Variants in ITGB3BP observed in about 807,000 individuals in gnomAD.
ITGB3BP encodes the protein centromere protein R.
Under a neutral mutation model 29.1 loss-of-function variants are expected in ITGB3BP, and 27 were observed. That is an observed-to-expected ratio of 0.93 (90% CI 0.68 to 1.28). The LOEUF (loss-of-function observed/expected upper bound fraction) is 1.28. Among genes scored for constraint, ITGB3BP ranks in the 50% most tolerant of loss-of-function variants. The pLI, the probability that ITGB3BP is intolerant of heterozygous loss-of-function variation, is 0.00. For synonymous variants in ITGB3BP, 61 were observed against 61.4 expected (o/e 0.99, Z 0.03); for missense variants, 192 against 200.2 (o/e 0.96, Z 0.25).
At chr1:63,502,838 T>G (rs1344622986) in intron 2 of ITGB3BP, among the ~76,000 whole-genome samples, 1 of 152,156 alleles carries the variant, frequency 6.6e-6, no homozygotes, top group Non-Finnish European at 1.5e-5. Flanking sequence ...ACAAAGGACA[T>G]GAACTCATCA....
intron 4 of ITGB3BP, among the ~76,000 whole-genome samples, chr1:63,471,875 C>T (rs1447921516): frequency 1.3e-5 from 2 of 151,714 alleles, no homozygotes; most frequent in Non-Finnish European, 2.9e-5. Flanking sequence ...AGCTCCGCCT[C>T]CTGGGTTCAA....
intron 1 of ITGB3BP, among the ~76,000 whole-genome samples, chr1:63,516,712 GAA>G (rs60397963): frequency 1.2e-4 from 14 of 115,874 alleles, no homozygotes; most frequent in South Asian, 2.8e-4. Context: ...CTTGTTTCAT[GAA>G]AAAAAAAAAA....
intron 4 of ITGB3BP, among the ~76,000 whole-genome samples, chr1:63,476,170 C>CT (rs112845325): frequency 0.019 from 2,717 of 145,446 alleles, 69 homozygotes; most frequent in African/African-American, 0.064. Context: ...GATAGAAATA[C>CT]TTTTTTTTTT....
intron 4 of ITGB3BP, among the ~76,000 whole-genome samples, chr1:63,474,915 TAA>T (rs1477732573): frequency 6.1e-5 from 1 of 16,320 alleles, no homozygotes; most frequent in Non-Finnish European, 1.8e-3. Flanking sequence ...ATAAATAAAA[TAA>T]AAACAAAACA....
At chr1:63,517,684 G>C (rs1227189706) in intron 1 of ITGB3BP, among the ~76,000 whole-genome samples, 1 of 152,050 alleles carries the variant, frequency 6.6e-6, no homozygotes, top group Admixed American at 6.6e-5. Flanking sequence ...CTTCATACAT[G>C]ATGTCATTGT....
chr1:63,473,247 C>T (rs1402083014), intron 4 of ITGB3BP, among the ~76,000 whole-genome samples: 115 of 151,726 alleles, frequency 7.6e-4, no homozygotes, highest in Admixed American at 3.9e-3. Flanking sequence ...GGCAACCGCC[C>T]CGTCTGAGAA....
At chr1:63,507,413 A>G (rs1490616478) in intron 2 of ITGB3BP, among the ~76,000 whole-genome samples, 1 of 152,224 alleles carries the variant, frequency 6.6e-6, no homozygotes, top group Non-Finnish European at 1.5e-5. Flanking sequence ...CTTCATGAAG[A>G]GAACGGGTTC....
chr1:63,492,343 A>G (rs1645671040), intron 2 of ITGB3BP, among the ~76,000 whole-genome samples: 1 of 152,088 alleles, frequency 6.6e-6, no homozygotes, highest in African/African-American at 2.4e-5. Context: ...AAAATTGAAA[A>G]GCTACCCTTT....
At chr1:63,463,889 G>GGA (rs1645060185) in intron 4 of ITGB3BP, among the ~76,000 whole-genome samples, 1 of 152,026 alleles carries the variant, frequency 6.6e-6, no homozygotes, top group Non-Finnish European at 1.5e-5. Flanking sequence ...ATTGATTTCA[G>GGA]GACGTATTCA....
chr1:63,485,321 T>C (rs1645506008), intron 3 of ITGB3BP, among the ~76,000 whole-genome samples: 1 of 152,092 alleles, frequency 6.6e-6, no homozygotes, highest in African/African-American at 2.4e-5. Flanking sequence ...ATATCTTGTC[T>C]GCCTGAAAAT....
chr1:63,461,444 T>G (rs532763452), intron 4 of ITGB3BP, among the ~76,000 whole-genome samples: 123 of 152,284 alleles, frequency 8.1e-4, no homozygotes, highest in African/African-American at 2.9e-3. Context: ...ATGGTGTACT[T>G]TGAAACACAA....
At chr1:63,464,486 A>G (rs1234012926) in intron 4 of ITGB3BP, among the ~76,000 whole-genome samples, 1 of 152,190 alleles carries the variant, frequency 6.6e-6, no homozygotes, top group Admixed American at 6.5e-5. Context: ...ACCTTGTATC[A>G]CTATGAACAG....
In ITGB3BP at chr1:63,518,207, A is replaced by T. The variant is rs182033140; in HGVS notation, c.5+4922T>A. Among the ~76,000 whole-genome samples, 602 of 152,210 alleles carry T rather than the reference A, an allele frequency of 4.0e-3. 4 individuals are homozygous for T. Among genetic ancestry groups the T allele is most frequent in the African/African-American group, 0.013 (550 of 41,522 alleles). On this transcript the variant is annotated intron_variant, in intron 1 of 8. Transcript: ENST00000271002. ...CTATTCCTAGTTTGCTGAGGGTTTTATTTTCTCACGAATGGGTATGTTCTC... is the reference window on the plus strand; with the variant it reads ...CTATTCCTAGTTTGCTGAGGGTTTTTTTTTCTCACGAATGGGTATGTTCTC...
At position 63,454,253 on chromosome 1, in the gene ITGB3BP, G is replaced by C; in HGVS notation, c.427+127C>G. 2.0e-6 allele frequency: 1 copy of C among 500,266 alleles called. No homozygotes were observed. Among genetic ancestry groups the C allele is most frequent in the East Asian group, 3.2e-5 (1 of 31,192 alleles). The allele number at this position is 500,266 out of a possible 1,614,324, so 31.0% of individuals were successfully genotyped here. On this transcript the variant is annotated intron_variant, in intron 6 of 8. Transcript: ENST00000271002. This position sits in a 1 kb window ranked among gnomAD's most constrained non-coding sequence, Gnocchi z 4.1. ...AAAGACATGTGGCTTCTTATTTAAA[G>C]AAGGTAATAGTATTTTTATCACATG...
chr1:63,518,853 T>C (rs1646391252), intron 1 of ITGB3BP, among the ~76,000 whole-genome samples: 2 of 152,182 alleles, frequency 1.3e-5, no homozygotes, highest in African/African-American at 2.4e-5. Context: ...TTCCTCTATT[T>C]GTTTTTTAGG....
chr1:63,466,354 A>G (rs1645100139), intron 4 of ITGB3BP, among the ~76,000 whole-genome samples: 1 of 152,256 alleles, frequency 6.6e-6, no homozygotes, highest in Admixed American at 6.5e-5. Context: ...ATGAAACTAC[A>G]TATGACGACA....
chr1:63,491,474 A>G (rs1387637655), intron 2 of ITGB3BP, among the ~76,000 whole-genome samples: 2 of 152,166 alleles, frequency 1.3e-5, no homozygotes, highest in Non-Finnish European at 2.9e-5. Context: ...CATAGGATGG[A>G]TCTGGGGGAT....
At chr1:63,468,430 A>T (rs1213939721) in intron 4 of ITGB3BP, among the ~76,000 whole-genome samples, 3 of 152,210 alleles carry the variant, frequency 2.0e-5, no homozygotes, top group Admixed American at 6.5e-5. Flanking sequence ...TAGTACAATG[A>T]TTAAAAGAAG....
rs1268429233 is a variant in ITGB3BP, at chr1:63,484,992, C to T, written c.184+5091G>A. ...ATTATTTTCAATAAATCCTTTTAGG[C>T]ATAAAGTCTATTTCAGCCTTTCTAT... On this transcript the variant is annotated intron_variant, in intron 3 of 8. Transcript: ENST00000271002. Among the ~76,000 whole-genome samples the T allele has an allele frequency of 2.0e-5, 3 of 152,170 alleles. No individual in the cohort carries two copies. In the East Asian group the frequency reaches 5.8e-4, roughly 29 times the overall value.
Sources: allele counts gnomAD v4.1 joint callset (sites outside exome capture counted in the v4.1 genomes callset), GRCh38; gene constraint gnomAD v4.1.1; non-coding constraint Gnocchi (gnomAD v3.1); transcripts MANE v1.5; gene names NCBI Gene and HGNC (gene_info 2026-07-23, HGNC 2026-07-21).